The following CDH23 variants were observed in gnomAD, a reference collection of about 807,000 sequenced individuals.
The protein encoded by CDH23 is cadherin-23.
CDH23 carries 189 observed loss-of-function variants against 317.1 expected under a neutral mutation model. The observed-to-expected ratio is 0.60, with a 90% CI of 0.53 to 0.67. The LOEUF (loss-of-function observed/expected upper bound fraction) is 0.67. Among genes scored for constraint, CDH23 ranks in the 30% least tolerant of loss-of-function variants. The pLI, the probability that CDH23 is intolerant of heterozygous loss-of-function variation, is 0.00. For synonymous variants in CDH23, 1,839 were observed against 1,876.8 expected (o/e 0.98, Z 0.52); for missense variants, 4,401 against 4,592.4 (o/e 0.96, Z 1.20).
In CDH23 at chr10:71,566,748, C is replaced by G. The variant is rs1446817093; in HGVS notation, c.436C>G (p.Pro146Ala). The change falls in exon 7 of 70, where the codon CCA becomes GCA. Residue 146 changes from proline to alanine, a missense_variant. Pro to Ala is a conservative substitution (Grantham distance 27, BLOSUM62 -1). This residue lies in a region of CDH23 where 3,068 missense variants were observed against 3,203.3 expected (regional missense o/e 0.96). Transcript: ENST00000224721. ...PYSVRIPENTPVGTPIFIVNA... is the reference protein window; with the variant it reads ...PYSVRIPENTAVGTPIFIVNA... ...GCTTTGCTCTCATCCCCAGAATACA[C>G]CAGTGGGGACGCCCATCTTCATCGT... The G allele has an allele frequency of 1.2e-6, 2 of 1,602,084 alleles. No homozygotes were observed. Among genetic ancestry groups the G allele is most frequent in the South Asian group, 1.1e-5 (1 of 89,618 alleles).
chr10:71,446,752 T>G (rs572777740), intron 3 of CDH23, among the ~76,000 whole-genome samples: 1 of 152,342 alleles, frequency 6.6e-6, no homozygotes, highest in South Asian at 2.1e-4. Flanking sequence ...GTTTTCTGCA[T>G]TGAGTTTGCC....
chr10:71,692,654 T>A (rs1450720617), intron 20 of CDH23, among the ~76,000 whole-genome samples: 1 of 152,124 alleles, frequency 6.6e-6, no homozygotes, highest in Non-Finnish European at 1.5e-5. Context: ...AGCTCCCTGC[T>A]CAGCCCCTGC....
chr10:71,466,552 G>T (rs1228674035), intron 3 of CDH23, among the ~76,000 whole-genome samples: 1 of 152,268 alleles, frequency 6.6e-6, no homozygotes, highest in African/African-American at 2.4e-5. Flanking sequence ...ACGTGTGTTT[G>T]TCCCTGCACA....
chr10:71,738,219 C>T (rs889319010), intron 34 of CDH23, among the ~76,000 whole-genome samples: 2 of 152,206 alleles, frequency 1.3e-5, no homozygotes, highest in Non-Finnish European at 2.9e-5. Context: ...CTCCTGTCCC[C>T]ACCACCTCTG....
intron 6 of CDH23, among the ~76,000 whole-genome samples, chr10:71,559,026 G>C (rs1856998835): frequency 2.0e-5 from 3 of 152,304 alleles, no homozygotes; most frequent in African/African-American, 7.2e-5. Flanking sequence ...GAAGGGATCT[G>C]GGAGTCTAAC....
In CDH23 at chr10:71,800,709, A is replaced by T. The variant is rs1328535373; in HGVS notation, c.7436A>T (p.Asp2479Val). 2 of 1,613,904 alleles carry T rather than the reference A, an allele frequency of 1.2e-6. No homozygotes were observed. Among genetic ancestry groups the T allele is most frequent in the African/African-American group, 1.3e-5 (1 of 74,926 alleles). ...DHYILTALAKDNPGDVASNRR... is the reference protein window; with the variant it reads ...DHYILTALAKVNPGDVASNRR... ...TATATCCTGACTGCCTTGGCCAAAG[A>T]CAACCCTGGGGATGTAGCCAGCAAC... The change falls in exon 53 of 70, where the codon GAC (aspartate) becomes GTC (valine). Residue 2479 changes from aspartate (D) to valine (V), a missense_variant. By Grantham distance (152) the Asp-to-Val change is radical. Coordinates refer to ENST00000224721, the MANE Select transcript of CDH23 (RefSeq NM_022124.6).
At chr10:71,769,862 T>TCA (rs1840647457) in intron 38 of CDH23, among the ~76,000 whole-genome samples, 1 of 152,200 alleles carries the variant, frequency 6.6e-6, no homozygotes, top group South Asian at 2.1e-4. Flanking sequence ...CCAAAGTGAA[T>TCA]GGACCGAATG....
In CDH23 at chr10:71,739,774, T is replaced by G; in HGVS notation, c.4488+2T>G. Reference sequence around the variant, plus strand: ...GAGCTGGATCACTACATCCTCCAGGTGGGGCCTGGCCTCCCTTGGACTGAG... The same window carrying G: ...GAGCTGGATCACTACATCCTCCAGGGGGGGCCTGGCCTCCCTTGGACTGAG... On this transcript the variant is annotated splice_donor_variant, in intron 36 of 69. Transcript: ENST00000224721. LOFTEE classifies it high-confidence loss of function. The G allele has an allele frequency of 3.7e-6, 6 of 1,608,334 alleles. No homozygotes were observed. The highest frequency in any genetic ancestry group is 5.1e-6 in the Non-Finnish European group (6 of 1,177,588).
intron 30 of CDH23, among the ~76,000 whole-genome samples, chr10:71,727,963 G>T (rs1866889616): frequency 6.6e-6 from 1 of 152,110 alleles, no homozygotes. Flanking sequence ...CCAGAGGCTG[G>T]TGGCATGTAG....
chr10:71,701,881 C>T, intron 22 of CDH23, 141 bp from the exon 23 acceptor site: 2 of 825,468 alleles, frequency 2.4e-6, no homozygotes, highest in Admixed American at 4.4e-5. Context: ...CTACCGGGCC[C>T]AGCGGGGATG....
chr10:71,650,014 G>T (rs1005201691), intron 14 of CDH23, among the ~76,000 whole-genome samples: 15 of 152,332 alleles, frequency 9.8e-5, no homozygotes, highest in African/African-American at 3.1e-4. Flanking sequence ...GGTTCTATGT[G>T]GGACCACTGA....
chr10:71,806,743 A>C (rs1841739130), intron 57 of CDH23, among the ~76,000 whole-genome samples: 1 of 151,472 alleles, frequency 6.6e-6, no homozygotes, highest in African/African-American at 2.4e-5. Context: ...TGCCCAGCTA[A>C]TTTTTGTATT....
At chr10:71,450,869 A>G (rs1046610996) in intron 3 of CDH23, among the ~76,000 whole-genome samples, 2 of 151,790 alleles carry the variant, frequency 1.3e-5, no homozygotes, top group Non-Finnish European at 1.5e-5. Context: ...CTAGCTTTAT[A>G]TTTTCTGTCT....
intron 54 of CDH23, 34 bp downstream of exon 54, chr10:71,803,109 TG>T (rs1266907926): frequency 4.5e-6 from 6 of 1,345,812 alleles, no homozygotes; most frequent in South Asian, 2.3e-5. Context: ...CATGATGTCT[TG>T]GGGGGTGGGA....
Position 71,785,077 on chromosome 10 carries a change from C to A in CDH23, c.5689C>A (p.Arg1897=). The A allele has an allele frequency of 5.6e-6, 9 of 1,613,958 alleles. No individual in the cohort carries two copies. Among genetic ancestry groups the A allele is most frequent in the Non-Finnish European group, 6.8e-6 (8 of 1,179,798 alleles). Residue 1897 remains arginine, a synonymous_variant, in exon 43 of 70, where the codon CGG becomes AGG. Coordinates refer to ENST00000224721, the MANE Select transcript of CDH23 (RefSeq NM_022124.6). Reference sequence around the variant, plus strand: ...CAACATCACTGCGGGCAACCGCGAGCGGGCCTTCTTCATCAATGCCACGGT... The same window carrying A: ...CAACATCACTGCGGGCAACCGCGAGAGGGCCTTCTTCATCAATGCCACGGT... ...TFNITAGNRE[R]AFFINATTGI...
At chr10:71,570,761 A>G (rs1260747855) in intron 7 of CDH23, 29 bp from the exon 8 acceptor site, 1 of 1,582,356 alleles carries the variant, frequency 6.3e-7, no homozygotes, top group South Asian at 1.2e-5. Flanking sequence ...CACTCAACCT[A>G]AGGCTGTGTG....
At chr10:71,787,964 A>G (rs1841148802) in intron 44 of CDH23, among the ~76,000 whole-genome samples, 1 of 152,214 alleles carries the variant, frequency 6.6e-6, no homozygotes, top group East Asian at 1.9e-4. Context: ...AGAAATCTCC[A>G]TATTGCTTGC....
intron 30 of CDH23, among the ~76,000 whole-genome samples, chr10:71,728,050 C>G (rs1055859036): frequency 1.3e-5 from 2 of 152,090 alleles, no homozygotes; most frequent in African/African-American, 4.8e-5. Context: ...TCAGCCTGGC[C>G]CTGTTTTTTC....
chr10:71,622,871 A>G, intron 11 of CDH23: 1 of 968,078 alleles, frequency 1.0e-6, no homozygotes, highest in Non-Finnish European at 1.2e-6. Flanking sequence ...GAGAGGCCTC[A>G]GCTGCCAGAT....
Sources: gnomAD v4.1 joint callset for allele counts (sites outside exome capture counted in the v4.1 genomes callset) on GRCh38, gnomAD v4.1.1 for gene constraint, gnomAD v4.1.1 regional missense constraint, MANE v1.5 for transcripts, NCBI Gene and HGNC (gene_info 2026-07-23, HGNC 2026-07-21) for gene names.